Variants in ZNF771 observed in about 807,000 individuals in gnomAD.
ZNF771 encodes the protein mesenchymal stem cell protein DSC43.
ZNF771 carries 10 observed loss-of-function variants against 27.6 expected under a neutral mutation model. That is an observed-to-expected ratio of 0.36 (90% CI 0.22 to 0.61). The LOEUF is 0.61. ZNF771 is among the 20% of genes least tolerant of loss of function. ZNF771 has a pLI of 0.70. For synonymous variants in ZNF771, 261 were observed against 225.2 expected, an observed-to-expected ratio of 1.16 and a Z score of -1.43; for missense variants, 438 against 503.7, an observed-to-expected ratio of 0.87 and a Z score of 1.25.
intron 2 of ZNF771, 112 bp from the exon 3 acceptor site, chr16:30,417,442 TC>T (rs1218892412): frequency 4.3e-6 from 3 of 696,660 alleles, no homozygotes; most frequent in Non-Finnish European, 5.8e-6. Flanking sequence ...CCGTGGCCTT[TC>T]CTATTTCATA....
Position 30,418,091 on chromosome 16 carries a change from G to A in ZNF771, c.678G>A (p.Thr226=), listed in dbSNP as rs1026896766. Residue 226 remains threonine, a synonymous_variant, in exon 3 of 3, where the codon ACG becomes ACA. Coordinates refer to ENST00000319296, the MANE Select transcript of ZNF771 (RefSeq NM_001142305.2). Reference sequence around the variant, plus strand: ...TGGCCAAGCACCGGCGCGTGCACACGGGCGAGAAGCCGCACCGCTGCGCTG... The same window carrying A: ...TGGCCAAGCACCGGCGCGTGCACACAGGCGAGAAGCCGCACCGCTGCGCTG... ...SALAKHRRVH[T]GEKPHRCAVC... 39 of 1,479,192 alleles carry A rather than the reference G, an allele frequency of 2.6e-5. No individual in the cohort carries two copies. The highest frequency in any genetic ancestry group is 3.2e-5 in the Non-Finnish European group (36 of 1,122,870). 91.6% of individuals were successfully genotyped at this position (1,479,192 alleles called of 1,614,324 possible).
At chr16:30,412,673 C>T (rs1177697496) in intron 2 of ZNF771, among the ~76,000 whole-genome samples, 1 of 152,016 alleles carries the variant, frequency 6.6e-6, no homozygotes, top group African/African-American at 2.4e-5. Flanking sequence ...ACCCCTGTAG[C>T]GCCAGCTATT....
intron 1 of ZNF771, 21 bp downstream of exon 1, chr16:30,407,685 C>A: frequency 5.8e-6 from 1 of 171,766 alleles, no homozygotes; most frequent in Non-Finnish European, 1.3e-5. Context: ...ACCCCCTCCC[C>A]GGGGTTTCCG....
In ZNF771 at chr16:30,417,579, T is replaced by C. The variant is rs2050140786; in HGVS notation, c.166T>C (p.Ser56Pro). 1.6e-6 allele frequency: 2 copies of C among 1,229,914 alleles called. No homozygotes were observed. Among genetic ancestry groups the C allele is most frequent in the Non-Finnish European group, 2.0e-6 (2 of 988,588 alleles). The allele number at this position is 1,229,914 out of a possible 1,614,324, so 76.2% of individuals were successfully genotyped here. ...GGTCCCGGGCGAGGCGCCCGCGCCGTCCGCCGACCCGGCGCGTCCCCACGC... is the reference window on the plus strand; with the variant it reads ...GGTCCCGGGCGAGGCGCCCGCGCCGCCCGCCGACCCGGCGCGTCCCCACGC... ...KEVPGEAPAP[S>P]ADPARPHACP... The change falls in exon 3 of 3, where the codon TCC (serine) becomes CCC (proline). Residue 56 changes from serine to proline, a missense_variant. Physicochemically the swap from Ser to Pro is moderately conservative, Grantham distance 74. Around this residue, in one of 3 missense-constraint regions of ZNF771, gnomAD observed 84 missense variants for 89.2 expected, o/e 0.94. Coordinates refer to ENST00000319296, the MANE Select transcript of ZNF771 (RefSeq NM_001142305.2).
At chr16:30,417,015 T>A (rs565088059) in intron 2 of ZNF771, among the ~76,000 whole-genome samples, 77 of 151,894 alleles carry the variant, frequency 5.1e-4, no homozygotes, top group Non-Finnish European at 9.1e-4. Context: ...CCCCCCATCA[T>A]GCATTCTGCT....
chr16:30,417,593 G>T lies in ZNF771; in HGVS notation c.180G>T (p.Ala60=). ...GEAPAPSADP[A]RPHACPDCGR... Reference sequence around the variant, plus strand: ...CGCCCGCGCCGTCCGCCGACCCGGCGCGTCCCCACGCGTGCCCCGACTGCG... The same window carrying T: ...CGCCCGCGCCGTCCGCCGACCCGGCTCGTCCCCACGCGTGCCCCGACTGCG... Residue 60 remains alanine (A), a synonymous_variant, in exon 3 of 3, where the codon GCG becomes GCT. Transcript: ENST00000319296. 1.6e-6 allele frequency: 2 copies of T among 1,238,820 alleles called. No homozygotes were observed. The highest frequency in any genetic ancestry group is 2.0e-6 in the Non-Finnish European group (2 of 994,438). The allele number at this position is 1,238,820 out of a possible 1,614,324, so 76.7% of individuals were successfully genotyped here.
chr16:30,409,065 C>T (rs544000815), intron 2 of ZNF771, among the ~76,000 whole-genome samples: 2 of 152,082 alleles, frequency 1.3e-5, no homozygotes, highest in African/African-American at 4.8e-5. Flanking sequence ...GCCTCCACCT[C>T]CCGGGTTCAA....
At position 30,418,266 on chromosome 16, in the gene ZNF771, C is replaced by G. The variant is rs892706716; in HGVS notation, c.853C>G (p.Arg285Gly). The change falls in exon 3 of 3, where the codon CGC becomes GGC. Residue 285 changes from arginine (R) to glycine (G), a missense_variant. Physicochemically the swap from Arg to Gly is moderately radical, Grantham distance 125 (BLOSUM62 -2). Transcript: ENST00000319296. ...IRHRRAHMRR[R>G]LYICAGCGRD... The stretch of plus-strand genomic sequence containing the variant: ...CCACCGACGCGCGCACATGCGGCGC[C>G]GCCTGTATATTTGCGCCGGCTGCGG... 3 of 1,511,962 alleles carry G rather than the reference C, an allele frequency of 2.0e-6. No homozygotes were observed. The highest frequency in any genetic ancestry group is 2.1e-5 in the Admixed American group (1 of 48,620). 93.7% of individuals were successfully genotyped at this position (1,511,962 alleles called of 1,614,324 possible). A position where few individuals can be genotyped will look rare whatever the true frequency, so the allele number is the denominator to read the frequency against.
intron 2 of ZNF771, among the ~76,000 whole-genome samples, chr16:30,411,997 G>A (rs908152198): frequency 6.6e-6 from 1 of 152,078 alleles, no homozygotes; most frequent in African/African-American, 2.4e-5. Flanking sequence ...TCTTTCCCTG[G>A]CTTGAACCCT....
At chr16:30,416,920 TAAAAAAA>T (rs34982677) in intron 2 of ZNF771, among the ~76,000 whole-genome samples, 23 of 100,828 alleles carry the variant, frequency 2.3e-4, no homozygotes, top group African/African-American at 1.1e-4. Context: ...CCCTGTCTCT[TAAAAAAA>T]AAAAAAAAAA....
chr16:30,408,019 G>T, intron 1 of ZNF771, 26 bp from the exon 2 acceptor site: 1 of 1,444,844 alleles, frequency 6.9e-7, no homozygotes, highest in East Asian at 2.7e-5. Context: ...CGGGTCCTGA[G>T]CTTCTGATCC....
chr16:30,418,346 C>T lies in ZNF771; in HGVS notation c.933C>T (p.Cys311=), dbSNP rs1429678238. Residue 311 remains cysteine (C), a synonymous_variant, in exon 3 of 3, where the codon TGC becomes TGT. Transcript: ENST00000319296. ...GATAATATER[C]PECEGS is the part of the protein sequence containing the mutation. Reference sequence around the variant, plus strand: ...CGGCCGCCACTGCCACCGAGCGTTGCCCGGAGTGTGAGGGCAGCTGAGTCC... The same window carrying T: ...CGGCCGCCACTGCCACCGAGCGTTGTCCGGAGTGTGAGGGCAGCTGAGTCC... 3 of 1,448,198 alleles carry T rather than the reference C, an allele frequency of 2.1e-6. No individual in the cohort carries two copies. The highest frequency in any genetic ancestry group is 1.5e-5 in the African/African-American group (1 of 67,906). 89.7% of individuals were successfully genotyped at this position (1,448,198 alleles called of 1,614,324 possible). A position where few individuals can be genotyped will look rare whatever the true frequency, so the allele number is the denominator to read the frequency against.
chr16:30,409,547 C>T (rs2050093309), intron 2 of ZNF771, among the ~76,000 whole-genome samples: 1 of 151,312 alleles, frequency 6.6e-6, no homozygotes, highest in African/African-American at 2.5e-5. Context: ...CCCTGAGTAC[C>T]AGCAGAGGGC....
intron 2 of ZNF771, among the ~76,000 whole-genome samples, chr16:30,416,951 T>C (rs1412324248): frequency 7.5e-6 from 1 of 133,776 alleles, no homozygotes; most frequent in Non-Finnish European, 1.6e-5. Flanking sequence ...AAGCCAAATA[T>C]AACAAATACA....
At position 30,417,956 on chromosome 16, in the gene ZNF771, A is replaced by C. The variant is rs1597033413; in HGVS notation, c.543A>C (p.Gly181=). The change falls in exon 3 of 3, where the codon GGA becomes GGC. Residue 181 remains glycine (G), a synonymous_variant. Transcript: ENST00000319296. ...AGCCGTACGCGTGCCCGGACTGCGGACGCGCCTTTGGCGGCAGCTCGTGCC... is the reference window on the plus strand; with the variant it reads ...AGCCGTACGCGTGCCCGGACTGCGGCCGCGCCTTTGGCGGCAGCTCGTGCC... ...GEKPYACPDC[G]RAFGGSSCLA... The C allele has an allele frequency of 2.0e-6, 3 of 1,486,646 alleles. No individual in the cohort carries two copies. The highest frequency in any genetic ancestry group is 1.6e-5 in the African/African-American group (1 of 63,480). 92.1% of individuals were successfully genotyped at this position (1,486,646 alleles called of 1,614,324 possible).
At position 30,413,556 on chromosome 16, in the gene ZNF771, G is replaced by T. The variant is rs375294100; in HGVS notation, c.142-3999G>T. 100 of 338,418 alleles carry T rather than the reference G, an allele frequency of 3.0e-4. No homozygotes were observed. The East Asian group carries it at 8.4e-3, about 28-fold the overall frequency. 21.0% of individuals were successfully genotyped at this position (338,418 alleles called of 1,614,324 possible). A position where few individuals can be genotyped will look rare whatever the true frequency, so the allele number is the denominator to read the frequency against. ...ACATACCACCTTATACCTCATGCTG[G>T]GAAATTTTGGGTTTTTTTTTCTTTT... is the stretch of plus-strand genomic sequence containing the variant. On this transcript the variant is annotated intron_variant, in intron 2 of 2. Transcript: ENST00000319296.
chr16:30,409,279 A>G (rs1235227469), intron 2 of ZNF771, among the ~76,000 whole-genome samples: 1 of 152,108 alleles, frequency 6.6e-6, no homozygotes, highest in Non-Finnish European at 1.5e-5. Flanking sequence ...TCCAGCCAGA[A>G]ATGGCCCTTA....
intron 2 of ZNF771, among the ~76,000 whole-genome samples, chr16:30,416,518 C>T (rs2050134819): frequency 6.6e-6 from 1 of 152,124 alleles, no homozygotes; most frequent in Non-Finnish European, 1.5e-5. Flanking sequence ...AATCTATTGT[C>T]TCACACTGCA....
Position 30,417,632 on chromosome 16 carries a change from G to C in ZNF771, c.219G>C (p.Ala73=), listed in dbSNP as rs973743186. The C allele has an allele frequency of 9.1e-6, 12 of 1,325,520 alleles. No homozygotes were observed. The highest frequency in any genetic ancestry group is 1.2e-5 in the Non-Finnish European group (12 of 1,041,494). 82.1% of individuals were successfully genotyped at this position (1,325,520 alleles called of 1,614,324 possible). A position where few individuals can be genotyped will look rare whatever the true frequency, so the allele number is the denominator to read the frequency against. The change falls in exon 3 of 3, where the codon GCG becomes GCC. Residue 73 remains alanine (A), a synonymous_variant. Coordinates refer to ENST00000319296, the MANE Select transcript of ZNF771 (RefSeq NM_001142305.2). ...GCCCCGACTGCGGCCGCGCCTTCGC[G>C]CGCCGCTCCACGCTGGCGAAGCACG... ...HACPDCGRAF[A]RRSTLAKHAR... is the part of the protein sequence containing the mutation.
Sources: gnomAD v4.1 joint callset for allele counts (sites outside exome capture counted in the v4.1 genomes callset) on GRCh38, gnomAD v4.1.1 for gene constraint, gnomAD v4.1.1 regional missense constraint, MANE v1.5 for transcripts, NCBI Gene and HGNC (gene_info 2026-07-23, HGNC 2026-07-21) for gene names.